The following GET1 variants were observed in gnomAD, a reference collection of about 807,000 sequenced individuals.
GET1 encodes guided entry of tail-anchored proteins factor 1.
In GET1, 20 loss-of-function variants were observed where a neutral mutation model predicts 22.6. That is an observed-to-expected ratio of 0.89 (90% CI 0.62 to 1.29). GET1 has a LOEUF of 1.29. Among genes scored for constraint, GET1 ranks in the 50% most tolerant of loss-of-function variants. The pLI is 0.00. For missense variants in GET1, 209 were observed against 219.9 expected (o/e 0.95, Z 0.31); for synonymous variants, 92 against 83.8 (o/e 1.10, Z -0.53).
rs1186374025 is a variant in GET1, at chr21:39,423,538, T to C, written c.*24-4694T>C. 3 of 1,457,120 alleles carry C rather than the reference T, an allele frequency of 2.1e-6. No individual in the cohort carries two copies. The African/African-American group carries it at 4.2e-5, about 21-fold the overall frequency. The allele number at this position is 1,457,120 out of a possible 1,614,324, so 90.3% of individuals were successfully genotyped here. A position where few individuals can be genotyped will look rare whatever the true frequency, so the allele number is the denominator to read the frequency against. ...TTATTACTAGTAAAATATACAGATA[T>C]GCAAATATGCACATATGCATAATCT... On this transcript the variant is annotated intron_variant, in intron 1 of 1. Coordinates refer to the GET1 transcript ENST00000478273.
chr21:39,391,382 G>A (rs975203738), intron 2 of GET1: 18 of 266,820 alleles, frequency 6.7e-5, no homozygotes, highest in African/African-American at 4.2e-4. Flanking sequence ...AAAACAGACA[G>A]AGGGGCCTGT....
At chr21:39,392,121 G>C in intron 3 of GET1, 1 of 413,782 alleles carries the variant, frequency 2.4e-6, no homozygotes, top group Non-Finnish European at 4.3e-6. Context: ...GTGGTTTGAA[G>C]GGCCTGGTGG....
At chr21:39,385,060 T>G (rs565601154) in intron 1 of GET1, among the ~76,000 whole-genome samples, 44 of 152,248 alleles carry the variant, frequency 2.9e-4, no homozygotes, top group Non-Finnish European at 5.0e-4. Context: ...ATGCTGCTCC[T>G]TCACCATCGT....
exon 5 of GET1, chr21:39,406,364 C>T (rs2039069511): frequency 1.9e-6 from 3 of 1,613,474 alleles, no homozygotes; most frequent in African/African-American, 1.3e-5. Context: ...GTGTAGGGAG[C>T]AGTGCCTTTG....
chr21:39,418,268 T>A (rs1169962387), intron 1 of GET1, among the ~76,000 whole-genome samples: 1 of 152,166 alleles, frequency 6.6e-6, no homozygotes, highest in Non-Finnish European at 1.5e-5. Context: ...TACAGTTTCG[T>A]TTGCCTTCCT....
intron 1 of GET1, among the ~76,000 whole-genome samples, chr21:39,412,366 G>T (rs1041611859): frequency 8.5e-5 from 13 of 152,132 alleles, no homozygotes; most frequent in Non-Finnish European, 1.3e-4. Context: ...ATTTCATATT[G>T]ATTTTTTTGA....
chr21:39,403,778 C>T (rs1209746512), intron 4 of GET1, among the ~76,000 whole-genome samples: 1 of 151,748 alleles, frequency 6.6e-6, no homozygotes, highest in Non-Finnish European at 1.5e-5. Context: ...CTGGCCACCA[C>T]GCATGGCTAA....
chr21:39,412,600 G>GCACA (rs58572253), intron 1 of GET1, among the ~76,000 whole-genome samples: 4,334 of 149,594 alleles, frequency 0.029, 156 homozygotes, highest in African/African-American at 0.088. Context: ...ACGTGCATGT[G>GCACA]CACACACACA....
rs561305580 is a variant in GET1, at chr21:39,389,628, G to A, written c.103-1070G>A. On this transcript the variant is annotated intron_variant, in intron 1 of 4. Coordinates refer to ENST00000649170, the MANE Select transcript of GET1 (RefSeq NM_004627.6). ...CCCTGGCAGGGTTCCTTCTTGTCTTGTATGTCTGTCTCCCTCACCCTACAG... is the reference window on the plus strand; with the variant it reads ...CCCTGGCAGGGTTCCTTCTTGTCTTATATGTCTGTCTCCCTCACCCTACAG... 6.6e-5 allele frequency among the ~76,000 whole-genome samples: 10 copies of A among 152,278 alleles called. No individual in the cohort carries two copies. The South Asian group carries it at 2.1e-3, about 32-fold the overall frequency.
At chr21:39,401,869 A>G (rs2038847969), downstream of GET1, among the ~76,000 whole-genome samples, 1 of 152,102 alleles carries the variant, frequency 6.6e-6, no homozygotes, top group African/African-American at 2.4e-5. Context: ...GGCATCAAGA[A>G]CTACACCCGT....
intron 1 of GET1, chr21:39,420,923 T>C (rs1168624631): frequency 2.7e-6 from 3 of 1,107,464 alleles, no homozygotes; most frequent in Non-Finnish European, 4.0e-6. Context: ...ACTAACTACA[T>C]TTATGAAAAG....
At chr21:39,416,121 AC>A (rs1379159207) in intron 1 of GET1, among the ~76,000 whole-genome samples, 2 of 152,114 alleles carry the variant, frequency 1.3e-5, no homozygotes, top group African/African-American at 4.8e-5. Flanking sequence ...GGAGGATCTT[AC>A]CCCCTCACAA....
chr21:39,406,466 G>C, exon 5 of GET1: 1 of 1,613,852 alleles, frequency 6.2e-7, no homozygotes, highest in Non-Finnish European at 8.5e-7. Context: ...CTTTCAGGAT[G>C]AATAACTTCA....
exon 5 of GET1, chr21:39,405,938 C>A (rs773041334): frequency 1.2e-6 from 2 of 1,612,634 alleles, no homozygotes; most frequent in South Asian, 2.2e-5. Flanking sequence ...ATAGAATTTA[C>A]CACAGTTACT....
chr21:39,409,901 G>A, downstream of GET1: 1 of 830,550 alleles, frequency 1.2e-6, no homozygotes, highest in Non-Finnish European at 1.9e-6. The surrounding 1 kb of genome is among the most constrained non-coding windows in gnomAD (Gnocchi z 4.2). Context: ...GCTGTTTTAT[G>A]TGTGCTTTAT....
chr21:39,428,104 C>G, intron 1 of GET1: 1 of 861,106 alleles, frequency 1.2e-6, no homozygotes, highest in Non-Finnish European at 1.9e-6. Flanking sequence ...CCACTTCAAA[C>G]ACTAGTGCAG....
At chr21:39,382,334 C>T (rs542570221) in intron 1 of GET1, among the ~76,000 whole-genome samples, 18 of 152,262 alleles carry the variant, frequency 1.2e-4, no homozygotes, top group African/African-American at 4.1e-4. Flanking sequence ...GGATTACAGG[C>T]GTGTGCCACC....
At chr21:39,390,955 T>C (rs1317169999) in intron 2 of GET1, 92 bp downstream of exon 2, 1 of 1,411,580 alleles carries the variant, frequency 7.1e-7, no homozygotes, top group African/African-American at 1.4e-5. Flanking sequence ...ACTTTGCTTC[T>C]TGGATGTTCT....
intron 1 of GET1, among the ~76,000 whole-genome samples, chr21:39,419,272 C>T (rs895627499): frequency 2.6e-5 from 4 of 152,020 alleles, no homozygotes; most frequent in African/African-American, 9.7e-5. Context: ...CACCTGTAAT[C>T]CTAACACTTT....
Sources: allele counts gnomAD v4.1 joint callset (sites outside exome capture counted in the v4.1 genomes callset), GRCh38; gene constraint gnomAD v4.1.1; non-coding constraint Gnocchi (gnomAD v3.1); transcripts MANE v1.5; gene names NCBI Gene and HGNC (gene_info 2026-07-23, HGNC 2026-07-21).